The following IGSF11 variants were observed in gnomAD, a reference collection of about 807,000 sequenced individuals.
IGSF11 encodes CXADR like 1.
Under a neutral mutation model 41.0 loss-of-function variants are expected in IGSF11, and 22 were observed. The observed-to-expected ratio is 0.54, with a 90% CI of 0.38 to 0.77. The LOEUF (loss-of-function observed/expected upper bound fraction) is 0.77, where lower values mean the gene tolerates loss of function less well. Among genes scored for constraint, IGSF11 ranks in the 30% least tolerant of loss-of-function variants. The pLI, the probability that IGSF11 is intolerant of heterozygous loss-of-function variation, is 0.00. For missense variants in IGSF11, 444 were observed against 530.8 expected, an observed-to-expected ratio of 0.84 and a Z score of 1.61; for synonymous variants, 219 against 201.3, an observed-to-expected ratio of 1.09 and a Z score of -0.74.
chr3:118,998,485 A>C (rs917864650), intron 1 of IGSF11, among the ~76,000 whole-genome samples: 4 of 152,124 alleles, frequency 2.6e-5, no homozygotes, highest in African/African-American at 9.7e-5. Flanking sequence ...GGGGGAAAAA[A>C]AAGAAAAAAT....
chr3:118,942,116 G>A, intron 1 of IGSF11, among the ~76,000 whole-genome samples: 1 of 152,158 alleles, frequency 6.6e-6, no homozygotes, highest in Non-Finnish European at 1.5e-5. Context: ...CCTAGACAGA[G>A]GGATTTTATT....
upstream of IGSF11, among the ~76,000 whole-genome samples, chr3:119,110,107 C>T (rs542626201): frequency 6.7e-4 from 102 of 152,026 alleles, no homozygotes; most frequent in Non-Finnish European, 8.5e-4. Flanking sequence ...CTATTAGGTC[C>T]GCTTGGTGCA....
chr3:118,934,231 G>A (rs527995298), intron 1 of IGSF11, among the ~76,000 whole-genome samples: 1 of 152,082 alleles, frequency 6.6e-6, no homozygotes, highest in East Asian at 1.9e-4. Flanking sequence ...TTTTCCCTAG[G>A]CTTCCCAGAT....
intron 1 of IGSF11, among the ~76,000 whole-genome samples, chr3:119,048,022 C>G (rs1576726902): frequency 6.6e-6 from 1 of 151,722 alleles, no homozygotes; most frequent in African/African-American, 2.4e-5. Flanking sequence ...ATTTATAGCA[C>G]TAAATGCCCA....
At chr3:118,940,040 T>A (rs1382726589) in intron 1 of IGSF11, among the ~76,000 whole-genome samples, 1 of 152,154 alleles carries the variant, frequency 6.6e-6, no homozygotes, top group African/African-American at 2.4e-5. Flanking sequence ...CCTACAGACA[T>A]TAAAAGAAGA....
chr3:119,073,012 A>G (rs769443284), intron 1 of IGSF11, among the ~76,000 whole-genome samples: 5 of 152,100 alleles, frequency 3.3e-5, no homozygotes, highest in Admixed American at 6.5e-5. Context: ...CTAGACACAG[A>G]GCACTGATTG....
chr3:119,007,461 T>C (rs1051879644), intron 1 of IGSF11, among the ~76,000 whole-genome samples: 2 of 151,960 alleles, frequency 1.3e-5, no homozygotes, highest in Non-Finnish European at 2.9e-5. Context: ...ACCGGAGCTG[T>C]TCCTATTCGG....
intron 1 of IGSF11, among the ~76,000 whole-genome samples, chr3:119,046,847 T>C (rs1941377838): frequency 6.7e-6 from 1 of 149,250 alleles, no homozygotes; most frequent in Non-Finnish European, 1.5e-5. Flanking sequence ...ATATTCAACA[T>C]TCTTAAAGAA....
intron 1 of IGSF11, among the ~76,000 whole-genome samples, chr3:119,060,156 C>G (rs1369216819): frequency 1.3e-5 from 2 of 152,194 alleles, no homozygotes; most frequent in Non-Finnish European, 2.9e-5. Context: ...TGGACCTTTT[C>G]TCCTTTAATG....
At chr3:119,082,120 C>T (rs977022473) in intron 1 of IGSF11, among the ~76,000 whole-genome samples, 4 of 152,138 alleles carry the variant, frequency 2.6e-5, no homozygotes, top group Admixed American at 6.6e-5. Flanking sequence ...ATGTAAACTC[C>T]TCCCACTTGT....
intron 1 of IGSF11, among the ~76,000 whole-genome samples, chr3:119,144,872 T>G (rs4687972): frequency 0.13 from 20,165 of 152,214 alleles, 1,390 homozygotes; most frequent in East Asian, 0.23. Flanking sequence ...TTTCTATGAT[T>G]ATTACATTTA....
intron 4 of IGSF11, among the ~76,000 whole-genome samples, chr3:118,910,441 C>G (rs1042315664): frequency 6.6e-6 from 1 of 152,126 alleles, no homozygotes; most frequent in Non-Finnish European, 1.5e-5. Context: ...TCTTACCCTC[C>G]CCCACTGTGC....
At chr3:119,086,715 T>C (rs1336629810) in intron 1 of IGSF11, among the ~76,000 whole-genome samples, 1 of 152,108 alleles carries the variant, frequency 6.6e-6, no homozygotes, top group African/African-American at 2.4e-5. Context: ...CAAGCAAAGG[T>C]TGAGGGAATA....
chr3:118,949,246 A>G (rs1944401254), intron 1 of IGSF11: 2 of 151,398 alleles, frequency 1.3e-5, no homozygotes, highest in African/African-American at 2.4e-5. Context: ...TTATTGGAGC[A>G]GAAAATCACA....
chr3:119,100,808 T>A (rs1275576322), intron 1 of IGSF11, among the ~76,000 whole-genome samples: 1 of 152,176 alleles, frequency 6.6e-6, no homozygotes, highest in Non-Finnish European at 1.5e-5. Context: ...CCAGGGGGCA[T>A]CTGATAACCA....
At chr3:118,985,195 C>G (rs1373323916) in intron 1 of IGSF11, among the ~76,000 whole-genome samples, 1 of 152,096 alleles carries the variant, frequency 6.6e-6, no homozygotes, top group Non-Finnish European at 1.5e-5. Flanking sequence ...CTTCAAAATT[C>G]AATCTTGTTT....
intron 1 of IGSF11, among the ~76,000 whole-genome samples, chr3:119,042,187 A>G (rs1306357684): frequency 6.6e-6 from 1 of 152,248 alleles, no homozygotes; most frequent in African/African-American, 2.4e-5. Context: ...CACTGAAGGC[A>G]AAGAAGCCAT....
chr3:118,982,319 A>G (rs1318341699), intron 1 of IGSF11, among the ~76,000 whole-genome samples: 2 of 152,230 alleles, frequency 1.3e-5, no homozygotes, highest in Non-Finnish European at 2.9e-5. Context: ...ACTGTGCTTC[A>G]TTCTTAGCCT....
At chr3:119,117,327 C>G (rs954458050) in intron 1 of IGSF11, among the ~76,000 whole-genome samples, 3 of 152,170 alleles carry the variant, frequency 2.0e-5, no homozygotes, top group Non-Finnish European at 4.4e-5. Context: ...AATGGACTTA[C>G]AGTTCCACTG....
Sources: gnomAD v4.1 joint callset for allele counts (sites outside exome capture counted in the v4.1 genomes callset) on GRCh38, gnomAD v4.1.1 for gene constraint, MANE v1.5 for transcripts, NCBI Gene and HGNC (gene_info 2026-07-23, HGNC 2026-07-21) for gene names.